TENM2: variants seen among roughly 807,000 people sequenced by gnomAD.
TENM2 encodes the protein teneurin-2.
Under a neutral mutation model 245.2 loss-of-function variants are expected in TENM2, and 52 were observed. The observed-to-expected ratio is 0.21, with a 90% CI of 0.17 to 0.27. The LOEUF is 0.27. TENM2 is among the 10% of genes least tolerant of loss of function. The pLI, the probability that TENM2 is intolerant of heterozygous loss-of-function variation, is 1.00. For missense variants in TENM2, 3,046 were observed against 3,666.8 expected (o/e 0.83, Z 4.37); for synonymous variants, 1,363 against 1,438.9 (o/e 0.95, Z 1.19).
chr5:167,317,457 CTA>C (rs957941381), intron 1 of TENM2, among the ~76,000 whole-genome samples: 1 of 152,078 alleles, frequency 6.6e-6, no homozygotes, highest in Non-Finnish European at 1.5e-5. Context: ...CAGTTAATCA[CTA>C]AGAGAATTGA....
At chr5:167,185,290 C>T in the TENM2 span, among the ~76,000 whole-genome samples, 2 of 152,112 alleles carry the variant, frequency 1.3e-5, no homozygotes, top group Admixed American at 1.3e-4. Flanking sequence ...TTCCCTTCTG[C>T]ACCTTGAAAC....
At chr5:167,254,525 TC>T in the TENM2 span, among the ~76,000 whole-genome samples, 21 of 152,280 alleles carry the variant, frequency 1.4e-4, no homozygotes, top group East Asian at 2.9e-3. Flanking sequence ...TTAAATTTCT[TC>T]AACTTCTCTC....
chr5:167,713,893 A>T (rs1340384213), intron 2 of TENM2, among the ~76,000 whole-genome samples: 1 of 152,094 alleles, frequency 6.6e-6, no homozygotes, highest in African/African-American at 2.4e-5. Context: ...TGAGGTTATT[A>T]TATAGTTCAT....
At chr5:167,469,976 T>C (rs1766913354) in intron 2 of TENM2, among the ~76,000 whole-genome samples, 1 of 152,184 alleles carries the variant, frequency 6.6e-6, no homozygotes, top group East Asian at 1.9e-4. Flanking sequence ...TATGCACATA[T>C]AATATTTTCC....
At chr5:167,315,678 C>T (rs938040128) in intron 1 of TENM2, among the ~76,000 whole-genome samples, 1 of 151,938 alleles carries the variant, frequency 6.6e-6, no homozygotes, top group Non-Finnish European at 1.5e-5. Flanking sequence ...ATGAGTATTT[C>T]AGGAGCTAGA....
At chr5:168,036,375 G>A (rs1397154943) in intron 5 of TENM2, among the ~76,000 whole-genome samples, 4 of 152,048 alleles carry the variant, frequency 2.6e-5, no homozygotes, top group East Asian at 1.9e-4. Context: ...GGTGGCTCAC[G>A]CCTGTAATCC....
chr5:167,408,055 T>C (rs755314761), intron 2 of TENM2, among the ~76,000 whole-genome samples: 7 of 152,194 alleles, frequency 4.6e-5, no homozygotes, highest in Non-Finnish European at 1.0e-4. Flanking sequence ...CTAAACTCCA[T>C]TGCATTTCCT....
chr5:167,745,690 C>G (rs939524238), intron 2 of TENM2, among the ~76,000 whole-genome samples: 11 of 152,166 alleles, frequency 7.2e-5, no homozygotes, highest in Non-Finnish European at 1.3e-4. Flanking sequence ...TACCCCCAGT[C>G]CTAGCCAATA....
In TENM2 at chr5:168,244,724, A is replaced by T; in HGVS notation, c.5817+8A>T. The T allele has an allele frequency of 7.0e-7, 1 of 1,421,572 alleles. No homozygotes were observed. The highest frequency in any genetic ancestry group is 9.3e-7 in the Non-Finnish European group (1 of 1,077,654). 88.1% of individuals were successfully genotyped at this position (1,421,572 alleles called of 1,614,324 possible). ...TACTCCTACCTTGACAAGGTAGGTG[A>T]ACATGCTGCCCTGACAGCAAGGGCT... On this transcript the variant is annotated splice_region_variant and intron_variant, in intron 26 of 28. Coordinates refer to ENST00000518659, the Ensembl canonical transcript of TENM2. The surrounding 1 kb of genome is among the most constrained non-coding windows in gnomAD (Gnocchi z 4.9).
chr5:167,391,647 A>AAAAAAAAAAAAAAAAT (rs70976420), intron 2 of TENM2, among the ~76,000 whole-genome samples: 1 of 126,838 alleles, frequency 7.9e-6, no homozygotes. Flanking sequence ...AAAAAAAAAA[A>AAAAAAAAAAAAAAAAT]GCACTCTCAA....
At chr5:168,160,114 T>C (rs1013300691) in intron 12 of TENM2, among the ~76,000 whole-genome samples, 7 of 152,228 alleles carry the variant, frequency 4.6e-5, no homozygotes, top group African/African-American at 1.7e-4. Context: ...TTAGTGTATT[T>C]TCCGTGATCC....
intron 2 of TENM2, chr5:167,754,907 G>T (rs1762198099): frequency 1.9e-6 from 2 of 1,062,952 alleles, no homozygotes; most frequent in Non-Finnish European, 2.6e-6. Context: ...AGCAGAAAGG[G>T]AGGAGGGAGA....
intron 2 of TENM2, among the ~76,000 whole-genome samples, chr5:167,516,953 G>T (rs1328455997): frequency 1.3e-5 from 2 of 152,282 alleles, no homozygotes; most frequent in East Asian, 3.9e-4. Context: ...CTTTAGAAAA[G>T]TGCATGGAAA....
At chr5:167,454,790 C>T (rs577058182) in intron 2 of TENM2, among the ~76,000 whole-genome samples, 58 of 152,278 alleles carry the variant, frequency 3.8e-4, no homozygotes, top group African/African-American at 1.3e-3. Context: ...GGGACTCCTA[C>T]GGGCTTGGTT....
intron 2 of TENM2, among the ~76,000 whole-genome samples, chr5:167,545,389 A>G (rs1432362537): frequency 6.6e-6 from 1 of 152,174 alleles, no homozygotes; most frequent in East Asian, 1.9e-4. Flanking sequence ...TAGTCTATGA[A>G]AACAGATCAG....
intron 12 of TENM2, among the ~76,000 whole-genome samples, chr5:168,133,453 T>C (rs1182205444): frequency 6.6e-6 from 1 of 152,246 alleles, no homozygotes; most frequent in African/African-American, 2.4e-5. Context: ...TCATTACTTT[T>C]GATGCAGAAA....
At chr5:167,165,005 AT>A in the TENM2 span, 182 of 152,348 alleles carry the variant, frequency 1.2e-3, 1 homozygote, top group African/African-American at 4.3e-3. Flanking sequence ...CCAAACAAGT[AT>A]TCTCAGAATC....
intron 5 of TENM2, among the ~76,000 whole-genome samples, chr5:168,040,345 T>C (rs1423120812): frequency 1.3e-5 from 2 of 152,224 alleles, no homozygotes; most frequent in Non-Finnish European, 2.9e-5. Context: ...TGTATCTGCC[T>C]CTCATCTTTC....
At chr5:167,948,306 A>T (rs536759486) in intron 3 of TENM2, among the ~76,000 whole-genome samples, 7 of 152,340 alleles carry the variant, frequency 4.6e-5, no homozygotes, top group Non-Finnish European at 7.4e-5. Flanking sequence ...TTTAGGAAGG[A>T]CAGACTATGT....
Sources: allele counts gnomAD v4.1 joint callset (sites outside exome capture counted in the v4.1 genomes callset), GRCh38; gene constraint gnomAD v4.1.1; non-coding constraint Gnocchi (gnomAD v3.1); transcripts MANE v1.5; gene names NCBI Gene and HGNC (gene_info 2026-07-23, HGNC 2026-07-21).